The following PTPRM variants were observed in gnomAD, a reference collection of about 807,000 sequenced individuals.
PTPRM encodes the protein protein tyrosine phosphatase receptor type M, also known as receptor-type tyrosine-protein phosphatase mu.
In PTPRM, 47 loss-of-function variants were observed where a neutral mutation model predicts 186.7. The ratio of observed to expected loss-of-function variants is 0.25; its 90% CI spans 0.20 to 0.32. The LOEUF is 0.32. Among genes scored for constraint, PTPRM ranks in the 10% least tolerant of loss-of-function variants. The pLI is 1.00. For synonymous variants in PTPRM, 668 were observed against 674.9 expected (o/e 0.99, Z 0.16); for missense variants, 1,494 against 1,865.0 (o/e 0.80, Z 3.66).
chr18:8,026,167 G>A (rs2085560230), intron 7 of PTPRM, among the ~76,000 whole-genome samples: 1 of 152,202 alleles, frequency 6.6e-6, no homozygotes, highest in African/African-American at 2.4e-5. Flanking sequence ...TTCAGAGGCG[G>A]GATTTCTCAG....
intron 11 of PTPRM, among the ~76,000 whole-genome samples, chr18:8,110,825 G>A (rs1444657829): frequency 2.0e-5 from 3 of 152,156 alleles, no homozygotes; most frequent in African/African-American, 7.2e-5. Context: ...CTCCCTTGAT[G>A]TGATAAGTGT....
chr18:7,764,383 G>A (rs547422198), intron 1 of PTPRM, among the ~76,000 whole-genome samples: 11 of 152,242 alleles, frequency 7.2e-5, no homozygotes, highest in Admixed American at 2.6e-4. Context: ...ACATAGGATG[G>A]TTATACCTTT....
At chr18:7,645,911 T>C (rs1028444455) in intron 1 of PTPRM, among the ~76,000 whole-genome samples, 1 of 152,182 alleles carries the variant, frequency 6.6e-6, no homozygotes, top group African/African-American at 2.4e-5. Flanking sequence ...TCTGCCAGGA[T>C]TGGGTCTCTG....
At chr18:8,146,793 G>T (rs972926303) in intron 14 of PTPRM, among the ~76,000 whole-genome samples, 2 of 152,106 alleles carry the variant, frequency 1.3e-5, no homozygotes, top group African/African-American at 4.8e-5. Flanking sequence ...TAGGTCTTAT[G>T]TTTAAGTCTT....
intron 1 of PTPRM, among the ~76,000 whole-genome samples, chr18:7,655,061 A>T (rs1030180961): frequency 6.6e-6 from 1 of 152,084 alleles, no homozygotes; most frequent in African/African-American, 2.4e-5. Context: ...CATTTTAATG[A>T]TATTGATTCT....
chr18:7,872,484 A>G (rs903016820), intron 2 of PTPRM, among the ~76,000 whole-genome samples: 1 of 152,208 alleles, frequency 6.6e-6, no homozygotes. Flanking sequence ...TTTTACCCGG[A>G]TTGAAAACGA....
At chr18:8,110,655 C>T (rs745757500) in intron 11 of PTPRM, among the ~76,000 whole-genome samples, 8 of 152,110 alleles carry the variant, frequency 5.3e-5, no homozygotes, top group Non-Finnish European at 1.0e-4. Flanking sequence ...CCCAGGAGAA[C>T]GTCCTCCCTG....
chr18:7,586,078 G>T (rs2036971350), intron 1 of PTPRM, among the ~76,000 whole-genome samples: 1 of 152,180 alleles, frequency 6.6e-6, no homozygotes, highest in African/African-American at 2.4e-5. Context: ...GAAATCAACT[G>T]AAGCAAAGTG....
chr18:7,972,973 T>A (rs2147329083), intron 7 of PTPRM, among the ~76,000 whole-genome samples: 1 of 152,304 alleles, frequency 6.6e-6, no homozygotes, highest in Admixed American at 6.5e-5. Flanking sequence ...ATCAGCTTGA[T>A]TTCACATCTG....
intron 4 of PTPRM, among the ~76,000 whole-genome samples, chr18:7,926,222 A>G (rs1053837412): frequency 1.3e-5 from 2 of 152,194 alleles, no homozygotes; most frequent in African/African-American, 4.8e-5. Flanking sequence ...TTTGTTCAAA[A>G]CATCAATTAG....
At position 7,724,646 on chromosome 18, in the gene PTPRM, AC is replaced by A. The variant is rs768554227; in HGVS notation, c.74-49502del. The stretch of plus-strand genomic sequence containing the variant: ...CCCAATATGGGTACATAAAATGGAT[AC>A]AATTCCCAGTGGTCAGAGGACATAC... On this transcript the variant is annotated intron_variant, in intron 1 of 32. Coordinates refer to ENST00000580170, the MANE Select transcript of PTPRM (RefSeq NM_001105244.2). 2.6e-5 allele frequency among the ~76,000 whole-genome samples: 4 copies of A among 152,366 alleles called. No individual in the cohort carries two copies. The East Asian group carries it at 5.8e-4, about 22-fold the overall frequency.
chr18:8,078,210 G>A (rs975238173), intron 9 of PTPRM, among the ~76,000 whole-genome samples: 2 of 152,178 alleles, frequency 1.3e-5, no homozygotes, highest in Non-Finnish European at 2.9e-5. Flanking sequence ...CCTCGAGGTA[G>A]GTCTTAGGTG....
At chr18:7,984,890 C>T (rs2082787554) in intron 7 of PTPRM, among the ~76,000 whole-genome samples, 1 of 122,402 alleles carries the variant, frequency 8.2e-6, no homozygotes, top group South Asian at 2.3e-4. Context: ...ATTATATATA[C>T]ATATATAAAT....
At chr18:7,573,348 G>A (rs1192094581) in intron 1 of PTPRM, among the ~76,000 whole-genome samples, 1 of 152,116 alleles carries the variant, frequency 6.6e-6, no homozygotes, top group East Asian at 1.9e-4. Flanking sequence ...GCTCTGGGGA[G>A]GGCCTGGGAA....
intron 32 of PTPRM, among the ~76,000 whole-genome samples, chr18:8,395,122 G>A (rs1490813912): frequency 1.3e-5 from 2 of 152,164 alleles, no homozygotes; most frequent in African/African-American, 4.8e-5. Flanking sequence ...TTTCTTAAGA[G>A]TATTTTATGA....
At chr18:8,144,571 C>G (rs1438099395) in intron 14 of PTPRM, among the ~76,000 whole-genome samples, 1 of 152,060 alleles carries the variant, frequency 6.6e-6, no homozygotes, top group Non-Finnish European at 1.5e-5. Flanking sequence ...GCACTCCAGC[C>G]TGGGCAACAG....
At chr18:8,144,783 C>A (rs2092842907) in intron 14 of PTPRM, among the ~76,000 whole-genome samples, 1 of 152,242 alleles carries the variant, frequency 6.6e-6, no homozygotes, top group African/African-American at 2.4e-5. Flanking sequence ...ATGTAAAAAT[C>A]AATACAAAAA....
At chr18:8,049,470 T>G (rs2087307273) in intron 7 of PTPRM, 1 of 152,174 alleles carries the variant, frequency 6.6e-6, no homozygotes, top group Non-Finnish European at 1.5e-5. Context: ...AGAGTTGATT[T>G]ATGAGACAAA....
Position 8,164,469 on chromosome 18 carries a change from G to T in PTPRM, c.2300+20690G>T, listed in dbSNP as rs930983686. On this transcript the variant is annotated intron_variant, in intron 14 of 32. Transcript: ENST00000580170. ...CCAAGTGTCCTTTGACAGAAGAGTG[G>T]ATAAACAAAAATGTGGTCTATCCAT... 3.9e-4 allele frequency among the ~76,000 whole-genome samples: 60 copies of T among 152,182 alleles called. 2 individuals carry two copies. The highest frequency in any genetic ancestry group is 2.9e-5 in the Non-Finnish European group (2 of 68,034).
Sources: gnomAD v4.1 joint callset for allele counts (sites outside exome capture counted in the v4.1 genomes callset) on GRCh38, gnomAD v4.1.1 for gene constraint, MANE v1.5 for transcripts, NCBI Gene and HGNC (gene_info 2026-07-23, HGNC 2026-07-21) for gene names.